The following PCDHA7 variants were observed in gnomAD, a reference collection of about 807,000 sequenced individuals.
The protein encoded by PCDHA7 is protocadherin alpha 7.
A neutral mutation model predicts 57.2 loss-of-function variants in PCDHA7; 37 were observed. The ratio of observed to expected loss-of-function variants is 0.65; its 90% CI spans 0.50 to 0.85. The LOEUF (loss-of-function observed/expected upper bound fraction) is 0.85, where lower values mean the gene tolerates loss of function less well. Among genes scored for constraint, PCDHA7 ranks in the 40% least tolerant of loss-of-function variants. The pLI, the probability that PCDHA7 is intolerant of heterozygous loss-of-function variation, is 0.00. For missense variants in PCDHA7, 1,188 were observed against 1,241.8 expected (o/e 0.96, Z 0.65); for synonymous variants, 553 against 558.8 (o/e 0.99, Z 0.15).
intron 1 of PCDHA7, among the ~76,000 whole-genome samples, chr5:140,925,533 A>C (rs1334031760): frequency 1.3e-5 from 2 of 152,062 alleles, no homozygotes; most frequent in Non-Finnish European, 2.9e-5. Flanking sequence ...AAGCGAGGAG[A>C]AATACCTAAT....
chr5:140,979,329 C>T (rs782808442), intron 2 of PCDHA7, among the ~76,000 whole-genome samples: 3 of 152,162 alleles, frequency 2.0e-5, no homozygotes, highest in Non-Finnish European at 2.9e-5. Flanking sequence ...TTCTTTTCCT[C>T]CTTTAAAAAC....
At chr5:140,883,296 TA>T (rs1389927639) in intron 1 of PCDHA7, 1 of 1,613,994 alleles carries the variant, frequency 6.2e-7, no homozygotes, top group African/African-American at 1.3e-5. Flanking sequence ...GTACTAGATG[TA>T]AATGATAACG....
Position 141,010,037 on chromosome 5 carries a change from C to A in PCDHA7, c.*100C>A. The A allele has an allele frequency of 1.3e-6, 2 of 1,582,242 alleles. No individual in the cohort carries two copies. The highest frequency in any genetic ancestry group is 1.2e-5 in the South Asian group (1 of 84,630). On this transcript the variant is annotated 3_prime_UTR_variant, in exon 4 of 4. Transcript: ENST00000525929. ...GCTCCTTTTTCCTATCTACATGAGC[C>A]CTCTTAGAGACCTCAGAAATCTGCA...
intron 1 of PCDHA7, chr5:140,860,465 T>C (rs12657479): frequency 6.6e-6 from 1 of 152,098 alleles, no homozygotes; most frequent in Admixed American, 6.5e-5. Flanking sequence ...GATAATACAG[T>C]TGGTGCAGTA....
At chr5:140,919,545 T>C (rs572558911) in intron 1 of PCDHA7, among the ~76,000 whole-genome samples, 15 of 152,314 alleles carry the variant, frequency 9.8e-5, no homozygotes, top group African/African-American at 3.6e-4. Flanking sequence ...ACTTTTCATT[T>C]ACTGATTTAT....
intron 1 of PCDHA7, among the ~76,000 whole-genome samples, chr5:140,845,317 T>C (rs1779816111): frequency 6.7e-6 from 1 of 149,682 alleles, no homozygotes; most frequent in Non-Finnish European, 1.5e-5. Context: ...TCTCAGGTAT[T>C]ACTTTAATTA....
chr5:140,842,950 G>C, intron 1 of PCDHA7: 1 of 1,594,728 alleles, frequency 6.3e-7, no homozygotes, highest in South Asian at 1.1e-5. Context: ...CGGGCGTGCC[G>C]CCTCTGGGCA....
At chr5:140,855,892 G>T (rs1227119052) in intron 1 of PCDHA7, 2 of 1,011,396 alleles carry the variant, frequency 2.0e-6, no homozygotes, top group Non-Finnish European at 1.4e-6. Flanking sequence ...TAGAACAAAG[G>T]CATCAGCCAG....
At chr5:140,983,461 A>G (rs1291305158) in intron 3 of PCDHA7, among the ~76,000 whole-genome samples, 1 of 152,238 alleles carries the variant, frequency 6.6e-6, no homozygotes, top group Non-Finnish European at 1.5e-5. Flanking sequence ...TTAATAGAAC[A>G]TCATGATGAT....
At chr5:141,005,861 C>T (rs921854027) in intron 3 of PCDHA7, among the ~76,000 whole-genome samples, 2 of 151,860 alleles carry the variant, frequency 1.3e-5, no homozygotes, top group Admixed American at 6.6e-5. Flanking sequence ...ACAGGAGGGT[C>T]GATTGAGTCC....
In PCDHA7 at chr5:140,850,498, C is replaced by G; in HGVS notation, c.2355+13760C>G. The G allele has an allele frequency of 1.3e-6, 2 of 1,598,138 alleles. 1 individual carries two copies. The highest frequency in any genetic ancestry group is 4.5e-5 in the East Asian group (2 of 44,830). ...ACGGCCACGGCCACTGTGCTGGTGT[C>G]GCTGGTGGAGAGCGGCCAGGCGCCA... On this transcript the variant is annotated intron_variant, in intron 1 of 3. Transcript: ENST00000525929.
chr5:140,896,735 T>C (rs930657295), intron 1 of PCDHA7, among the ~76,000 whole-genome samples: 8 of 152,166 alleles, frequency 5.3e-5, no homozygotes, highest in Non-Finnish European at 4.4e-5. Context: ...TTTAAGTTCC[T>C]TATAGATTCT....
chr5:140,869,005 G>C, intron 1 of PCDHA7: 1 of 1,521,546 alleles, frequency 6.6e-7, no homozygotes, highest in Non-Finnish European at 8.8e-7. Context: ...AGGATCCTTT[G>C]AAACTTCTTA....
chr5:140,835,998 G>A lies in PCDHA7; in HGVS notation c.1615G>A (p.Asp539Asn), dbSNP rs2150249955. The change falls in exon 1 of 4, where the codon GAT becomes AAT. Residue 539 changes from aspartate to asparagine, a missense_variant. Around this residue, in one of 3 missense-constraint regions of PCDHA7, gnomAD observed 892 missense variants for 788.5 expected, o/e 1.13. Transcript: ENST00000525929. The stretch of plus-strand genomic sequence containing the variant: ...GTTGCAGTTCCAGGTGAGCGCGCGC[G>A]ATGCGGGCGTGCCGCCTCTGGGCAG... ...ELLQFQVSAR[D>N]AGVPPLGSNV... 5.0e-6 allele frequency: 8 copies of A among 1,613,264 alleles called. No individual in the cohort carries two copies. The highest frequency in any genetic ancestry group is 1.1e-5 in the South Asian group (1 of 91,076).
At chr5:140,843,069 G>T in intron 1 of PCDHA7, 1 of 1,595,314 alleles carries the variant, frequency 6.3e-7, no homozygotes, top group South Asian at 1.1e-5. Flanking sequence ...CTGGTGCCGC[G>T]GTCTGTGGGC....
Position 140,877,016 on chromosome 5 carries a change from G to T in PCDHA7, c.2355+40278G>T, listed in dbSNP as rs781790454. The T allele has an allele frequency of 4.7e-5, 76 of 1,612,480 alleles. No individual in the cohort carries two copies. The highest frequency in any genetic ancestry group is 4.0e-4 in the Middle Eastern group (2 of 5,052). The stretch of plus-strand genomic sequence containing the variant: ...TACGTGTCGGTGCACGCGGAGAGCG[G>T]CAAGGTGTACGCGCTGCAGCCGCTA... On this transcript the variant is annotated intron_variant, in intron 1 of 3. Coordinates refer to ENST00000525929, the MANE Select transcript of PCDHA7 (RefSeq NM_018910.3).
rs1554263662 is a variant in PCDHA7 at position 141,011,810 on chromosome 5, G to A, written c.*1873G>A. The A allele has an allele frequency of 6.5e-6, 1 of 153,716 alleles. No individual in the cohort carries two copies. The highest frequency in any genetic ancestry group is 1.9e-4 in the East Asian group (1 of 5,198). 9.5% of individuals were successfully genotyped at this position (153,716 alleles called of 1,614,324 possible). ...ATGGTATCTGAAATATCAGCTCATA[G>A]AAAGTAACAAAATTTGCTGTCACCT... On this transcript the variant is annotated 3_prime_UTR_variant, in exon 4 of 4. Coordinates refer to ENST00000525929, the MANE Select transcript of PCDHA7 (RefSeq NM_018910.3).
At chr5:140,839,146 T>A (rs2150295080) in intron 1 of PCDHA7, among the ~76,000 whole-genome samples, 1 of 129,620 alleles carries the variant, frequency 7.7e-6, no homozygotes, top group Non-Finnish European at 1.6e-5. Flanking sequence ...GCAGACCAAG[T>A]TTGCTGCTCT....
At chr5:140,870,070 G>T (rs1554163779) in intron 1 of PCDHA7, 1 of 1,613,880 alleles carries the variant, frequency 6.2e-7, no homozygotes, top group Admixed American at 1.7e-5. Flanking sequence ...ACAGGCTACA[G>T]ATAAGGGGAC....
Sources: gnomAD v4.1 joint callset for allele counts (sites outside exome capture counted in the v4.1 genomes callset) on GRCh38, gnomAD v4.1.1 for gene constraint, gnomAD v4.1.1 regional missense constraint, MANE v1.5 for transcripts, NCBI Gene and HGNC (gene_info 2026-07-23, HGNC 2026-07-21) for gene names.